The following CTNNA3 variants were observed in gnomAD, a reference collection of about 807,000 sequenced individuals.
CTNNA3 encodes catenin alpha 3.
A neutral mutation model predicts 95.7 loss-of-function variants in CTNNA3; 76 were observed. That is an observed-to-expected ratio of 0.79 (90% CI 0.66 to 0.96). The LOEUF (loss-of-function observed/expected upper bound fraction) is 0.96. Among genes scored for constraint, CTNNA3 ranks in the 40% least tolerant of loss-of-function variants. The pLI, the probability that CTNNA3 is intolerant of heterozygous loss-of-function variation, is 0.00. For synonymous variants in CTNNA3, 431 were observed against 374.4 expected, an observed-to-expected ratio of 1.15 and a Z score of -1.74; for missense variants, 1,191 against 1,089.8, an observed-to-expected ratio of 1.09 and a Z score of -1.31.
At chr10:67,696,917 T>A (rs969106725), upstream of CTNNA3, among the ~76,000 whole-genome samples, 2 of 152,234 alleles carry the variant, frequency 1.3e-5, no homozygotes. Flanking sequence ...TCCGACTTTC[T>A]TCTAATAGCT....
At chr10:67,701,431 C>A in intron 1 of CTNNA3, among the ~76,000 whole-genome samples, 1 of 152,214 alleles carries the variant, frequency 6.6e-6, no homozygotes, top group Middle Eastern at 3.2e-3. Flanking sequence ...GATGTCTTGG[C>A]AGAAACTCTA....
chr10:66,365,629 A>C (rs2132444884), intron 12 of CTNNA3, among the ~76,000 whole-genome samples: 1 of 152,278 alleles, frequency 6.6e-6, no homozygotes, highest in South Asian at 2.1e-4. Context: ...GCAGCCTGTA[A>C]CATTGTCCAG....
Position 67,525,125 on chromosome 10 carries a change from A to G in CTNNA3, c.460-3164T>C, listed in dbSNP as rs193144410. On this transcript the variant is annotated intron_variant, in intron 4 of 17. Transcript: ENST00000433211. The stretch of plus-strand genomic sequence containing the variant: ...GAATTTAAAATGAGCCAAAAACCCC[A>G]GAATAATTTGTTGAACCTTGAATTT... Among the ~76,000 whole-genome samples the G allele has an allele frequency of 1.3e-3, 198 of 151,658 alleles. 1 individual carries two copies. The highest frequency in any genetic ancestry group is 4.4e-3 in the African/African-American group (182 of 41,168).
chr10:66,895,126 A>G (rs1194105636), intron 7 of CTNNA3, among the ~76,000 whole-genome samples: 24 of 151,270 alleles, frequency 1.6e-4, no homozygotes, highest in Admixed American at 1.6e-3. Context: ...CCTCAATTCC[A>G]TCTTTCACTT....
At chr10:67,277,675 G>A (rs947919894) in intron 5 of CTNNA3, among the ~76,000 whole-genome samples, 15 of 152,004 alleles carry the variant, frequency 9.9e-5, no homozygotes, top group Non-Finnish European at 2.1e-4. Context: ...TAAAGAAGCC[G>A]GCCAAAACCT....
chr10:66,291,689 A>G (rs540404289), intron 12 of CTNNA3, among the ~76,000 whole-genome samples: 2 of 152,182 alleles, frequency 1.3e-5, no homozygotes, highest in African/African-American at 4.8e-5. Flanking sequence ...TTGATGTTCC[A>G]CAAAGGGAAG....
At chr10:67,302,763 C>T (rs118134292) in intron 5 of CTNNA3, among the ~76,000 whole-genome samples, 6 of 152,204 alleles carry the variant, frequency 3.9e-5, no homozygotes, top group Non-Finnish European at 8.8e-5. Context: ...AAACTAATTC[C>T]GGAATTTCAT....
intron 12 of CTNNA3, among the ~76,000 whole-genome samples, chr10:66,372,995 C>A (rs1380558659): frequency 1.3e-5 from 2 of 152,082 alleles, no homozygotes; most frequent in African/African-American, 4.8e-5. Context: ...AGTATCTCAA[C>A]CCCTCTTTAT....
chr10:65,953,507 G>A (rs1045985462), intron 17 of CTNNA3, among the ~76,000 whole-genome samples: 1 of 151,910 alleles, frequency 6.6e-6, no homozygotes. Flanking sequence ...TTTACATTAG[G>A]TATATCTCCT....
chr10:66,737,717 TG>T (rs1849192423), intron 9 of CTNNA3, among the ~76,000 whole-genome samples: 1 of 151,880 alleles, frequency 6.6e-6, no homozygotes, highest in African/African-American at 2.4e-5. Context: ...TCGAGTGCAC[TG>T]GTGTGATCAT....
chr10:67,505,313 T>C (rs1262484624), intron 5 of CTNNA3, among the ~76,000 whole-genome samples: 1 of 152,212 alleles, frequency 6.6e-6, no homozygotes, highest in African/African-American at 2.4e-5. Context: ...ATAACTATTC[T>C]CAATGACTTT....
chr10:67,509,463 T>A (rs758806604), intron 5 of CTNNA3, among the ~76,000 whole-genome samples: 1 of 152,174 alleles, frequency 6.6e-6, no homozygotes, highest in Non-Finnish European at 1.5e-5. Context: ...GTCCTTGTGA[T>A]AGTTTGCTGA....
At chr10:66,770,825 TA>T (rs774388198) in intron 8 of CTNNA3, among the ~76,000 whole-genome samples, 88 of 122,732 alleles carry the variant, frequency 7.2e-4, no homozygotes, top group Non-Finnish European at 5.1e-4. Context: ...TATTTTATGT[TA>T]AAATATTGTA....
At chr10:66,604,634 C>T (rs1379285924) in intron 10 of CTNNA3, among the ~76,000 whole-genome samples, 1 of 152,092 alleles carries the variant, frequency 6.6e-6, no homozygotes, top group Non-Finnish European at 1.5e-5. Context: ...AGAACACTCT[C>T]AGGTCACCAT....
intron 12 of CTNNA3, among the ~76,000 whole-genome samples, chr10:66,335,294 A>G (rs893196991): frequency 2.6e-5 from 4 of 151,978 alleles, no homozygotes; most frequent in African/African-American, 7.2e-5. Flanking sequence ...CCTTTGGAGG[A>G]GGAGAGGCAC....
intron 6 of CTNNA3, among the ~76,000 whole-genome samples, chr10:67,213,043 T>A (rs1446736767): frequency 6.6e-6 from 1 of 151,880 alleles, no homozygotes; most frequent in Non-Finnish European, 1.5e-5. Flanking sequence ...CTGGAAGGGT[T>A]TATAGTATTC....
At chr10:67,731,497 A>C (rs965453863) in intron 1 of CTNNA3, among the ~76,000 whole-genome samples, 1 of 148,898 alleles carries the variant, frequency 6.7e-6, no homozygotes, top group African/African-American at 2.5e-5. Context: ...CAAAACAAAA[A>C]AGTCTTAAGA....
chr10:66,135,600 A>G (rs2083304927), intron 13 of CTNNA3, among the ~76,000 whole-genome samples: 1 of 152,224 alleles, frequency 6.6e-6, no homozygotes, highest in African/African-American at 2.4e-5. Context: ...AGCAAGAATC[A>G]TCAATGGATG....
At chr10:66,561,301 G>A (rs1405176421) in intron 10 of CTNNA3, among the ~76,000 whole-genome samples, 1 of 151,984 alleles carries the variant, frequency 6.6e-6, no homozygotes, top group Non-Finnish European at 1.5e-5. Flanking sequence ...GCAAGACAAT[G>A]GGCAAACATA....
Sources: allele counts gnomAD v4.1 joint callset (sites outside exome capture counted in the v4.1 genomes callset), GRCh38; gene constraint gnomAD v4.1.1; transcripts MANE v1.5; gene names NCBI Gene and HGNC (gene_info 2026-07-23, HGNC 2026-07-21).